ST6GALNAC3: variants seen among roughly 807,000 people sequenced by gnomAD.
The protein encoded by ST6GALNAC3 is ST6 N-acetylgalactosaminide alpha-2,6-sialyltransferase 3.
In ST6GALNAC3, 25 loss-of-function variants were observed where a neutral mutation model predicts 32.7. The ratio of observed to expected loss-of-function variants is 0.76; its 90% CI spans 0.56 to 1.07. The LOEUF is 1.07. Ranked by LOEUF, ST6GALNAC3 falls within the 50% of genes least tolerant of loss-of-function variation. The probability of loss-of-function intolerance (pLI) is 0.00; values close to 1 mark genes in which losing one functional copy is unlikely to be tolerated. For synonymous variants in ST6GALNAC3, 129 were observed against 133.1 expected, an observed-to-expected ratio of 0.97 and a Z score of 0.21; for missense variants, 355 against 382.4, an observed-to-expected ratio of 0.93 and a Z score of 0.60.
chr1:76,415,171 C>CTTTTTT (rs71072000), intron 3 of ST6GALNAC3, among the ~76,000 whole-genome samples: 59 of 70,412 alleles, frequency 8.4e-4, no homozygotes, highest in African/African-American at 1.1e-3. Flanking sequence ...GGATTCATGT[C>CTTTTTT]TTTTTTTTTT....
intron 1 of ST6GALNAC3, among the ~76,000 whole-genome samples, chr1:76,211,711 C>T (rs902426875): frequency 8.6e-5 from 13 of 151,920 alleles, no homozygotes; most frequent in African/African-American, 2.2e-4. Context: ...CGCATGTTCT[C>T]GCTCATAGGT....
intron 3 of ST6GALNAC3, chr1:76,577,170 T>C (rs1570344362): frequency 9.7e-7 from 1 of 1,031,816 alleles, no homozygotes; most frequent in East Asian, 8.5e-5. Flanking sequence ...CAGTTTTTGT[T>C]TTATTCAATT....
intron 1 of ST6GALNAC3, among the ~76,000 whole-genome samples, chr1:76,245,799 CT>C (rs1657224584): frequency 1.3e-5 from 2 of 152,118 alleles, no homozygotes. Flanking sequence ...CATTCTTTTG[CT>C]TTTGCTTAGA....
At chr1:76,251,334 A>G (rs1340992454) in intron 1 of ST6GALNAC3, among the ~76,000 whole-genome samples, 2 of 152,172 alleles carry the variant, frequency 1.3e-5, no homozygotes, top group Non-Finnish European at 2.9e-5. Context: ...TTTGGCTAGA[A>G]TCATTTTTCA....
At chr1:76,402,448 G>T (rs1452862372) in intron 2 of ST6GALNAC3, among the ~76,000 whole-genome samples, 1 of 152,032 alleles carries the variant, frequency 6.6e-6, no homozygotes, top group African/African-American at 2.4e-5. Context: ...AGTTGCTAGT[G>T]CCCATGACTA....
intron 1 of ST6GALNAC3, among the ~76,000 whole-genome samples, chr1:76,313,465 G>A (rs913453129): frequency 7.9e-5 from 12 of 152,120 alleles, no homozygotes; most frequent in Non-Finnish European, 1.6e-4. Flanking sequence ...TGGTGGTGAG[G>A]AGGGGATTGA....
chr1:76,546,041 G>A (rs1477414605), intron 3 of ST6GALNAC3, among the ~76,000 whole-genome samples: 2 of 152,156 alleles, frequency 1.3e-5, no homozygotes, highest in Admixed American at 6.5e-5. Flanking sequence ...TCTACATTGT[G>A]TTGTAATTAT....
intron 3 of ST6GALNAC3, among the ~76,000 whole-genome samples, chr1:76,451,655 A>G (rs1657413867): frequency 6.6e-6 from 1 of 152,058 alleles, no homozygotes. Context: ...GTATATTCCT[A>G]AGTTTATTTA....
At chr1:76,369,374 A>G (rs1037667237) in intron 2 of ST6GALNAC3, among the ~76,000 whole-genome samples, 2 of 152,194 alleles carry the variant, frequency 1.3e-5, no homozygotes, top group African/African-American at 4.8e-5. Context: ...ACAACTAATA[A>G]CAAATGTATA....
intron 1 of ST6GALNAC3, among the ~76,000 whole-genome samples, chr1:76,216,222 C>T (rs1655453432): frequency 6.6e-6 from 1 of 152,092 alleles, no homozygotes; most frequent in Non-Finnish European, 1.5e-5. Flanking sequence ...GACTCCTTGT[C>T]CTTCTTTCTT....
At chr1:76,277,528 GTATATATATATATATATATATA>G (rs370795804) in intron 1 of ST6GALNAC3, among the ~76,000 whole-genome samples, 3 of 84,574 alleles carry the variant, frequency 3.5e-5, no homozygotes, top group East Asian at 4.2e-4. Context: ...ATGTTTATGT[GTATATATATATATATATATATA>G]TATATATATA....
At chr1:76,489,692 G>A (rs1339275766) in intron 3 of ST6GALNAC3, among the ~76,000 whole-genome samples, 1 of 152,116 alleles carries the variant, frequency 6.6e-6, no homozygotes, top group Non-Finnish European at 1.5e-5. Context: ...TCAAGGAGGG[G>A]TCACGGGACT....
chr1:76,263,903 A>G (rs1421963218), intron 1 of ST6GALNAC3, among the ~76,000 whole-genome samples: 1 of 152,108 alleles, frequency 6.6e-6, no homozygotes, highest in Admixed American at 6.6e-5. Flanking sequence ...TCAAGGTAGG[A>G]AGAGGTTTGA....
chr1:76,289,998 A>C (rs555874526), intron 1 of ST6GALNAC3, among the ~76,000 whole-genome samples: 8 of 152,376 alleles, frequency 5.3e-5, no homozygotes, highest in African/African-American at 1.9e-4. Context: ...ACATCTACCC[A>C]GGATTTTCTG....
At chr1:76,545,473 C>G (rs1042740172) in intron 3 of ST6GALNAC3, among the ~76,000 whole-genome samples, 2 of 151,928 alleles carry the variant, frequency 1.3e-5, no homozygotes, top group African/African-American at 4.8e-5. Context: ...CCAAGACAGT[C>G]CTAATCAACC....
chr1:76,435,382 T>C (rs1188932936), intron 3 of ST6GALNAC3, among the ~76,000 whole-genome samples: 1 of 152,202 alleles, frequency 6.6e-6, no homozygotes, highest in Non-Finnish European at 1.5e-5. Context: ...GAAGTAAATA[T>C]GTAGAAGCTG....
chr1:76,359,423 A>T (rs565272678), intron 2 of ST6GALNAC3, among the ~76,000 whole-genome samples: 2 of 152,278 alleles, frequency 1.3e-5, no homozygotes, highest in Non-Finnish European at 1.5e-5. Flanking sequence ...TAAAAATATC[A>T]TGCGGAAAGA....
intron 3 of ST6GALNAC3, among the ~76,000 whole-genome samples, chr1:76,524,714 GTTT>G (rs199723434): frequency 0.11 from 15,209 of 140,154 alleles, 936 homozygotes; most frequent in East Asian, 0.22. Flanking sequence ...AAATATTTCA[GTTT>G]TTTTTTTTTT....
At chr1:76,155,023 A>AT (rs1256331980) in intron 1 of ST6GALNAC3, among the ~76,000 whole-genome samples, 1 of 151,880 alleles carries the variant, frequency 6.6e-6, no homozygotes, top group African/African-American at 2.4e-5. Context: ...CAATCTTTTT[A>AT]TTTTTTATTT....
Sources: gnomAD v4.1 joint callset for allele counts (sites outside exome capture counted in the v4.1 genomes callset) on GRCh38, gnomAD v4.1.1 for gene constraint, MANE v1.5 for transcripts, NCBI Gene and HGNC (gene_info 2026-07-23, HGNC 2026-07-21) for gene names.